The following UNC5C variants were observed in gnomAD, a reference collection of about 807,000 sequenced individuals.
UNC5C encodes netrin receptor UNC5C.
Under a neutral mutation model 99.8 loss-of-function variants are expected in UNC5C, and 47 were observed. That is an observed-to-expected ratio of 0.47 (90% CI 0.37 to 0.60). The LOEUF is 0.60. Among genes scored for constraint, UNC5C ranks in the 20% least tolerant of loss-of-function variants. UNC5C has a pLI of 0.00. For synonymous variants in UNC5C, 487 were observed against 452.2 expected, an observed-to-expected ratio of 1.08 and a Z score of -0.98; for missense variants, 1,062 against 1,165.9, an observed-to-expected ratio of 0.91 and a Z score of 1.30.
At chr4:95,469,392 T>C (rs1349054720) in intron 1 of UNC5C, among the ~76,000 whole-genome samples, 1 of 152,170 alleles carries the variant, frequency 6.6e-6, no homozygotes, top group Admixed American at 6.6e-5. Flanking sequence ...TTGGTTTAGG[T>C]TGTCATACAA....
At chr4:95,237,785 C>T (rs1024530544) in intron 7 of UNC5C, among the ~76,000 whole-genome samples, 14 of 152,252 alleles carry the variant, frequency 9.2e-5, no homozygotes, top group South Asian at 2.1e-4. Context: ...CAGTGGCTCA[C>T]GCCTGTAATC....
chr4:95,328,057 T>A (rs1742962120), intron 2 of UNC5C, among the ~76,000 whole-genome samples: 1 of 97,708 alleles, frequency 1.0e-5, no homozygotes, highest in Non-Finnish European at 2.1e-5. Context: ...TTTTTTTTTT[T>A]TTTAATTTTT....
At chr4:95,173,103 T>G (rs1003465425) in intron 14 of UNC5C, among the ~76,000 whole-genome samples, 3 of 151,908 alleles carry the variant, frequency 2.0e-5, no homozygotes, top group Admixed American at 2.0e-4. Context: ...ATCCTGAGAC[T>G]TTGCTGAAGT....
chr4:95,402,898 T>A (rs1745739685), intron 1 of UNC5C, among the ~76,000 whole-genome samples: 1 of 152,234 alleles, frequency 6.6e-6, no homozygotes. Flanking sequence ...CTTTGAGACA[T>A]TTCTTCTATG....
chr4:95,367,502 G>T (rs1385996503), intron 1 of UNC5C, among the ~76,000 whole-genome samples: 1 of 151,594 alleles, frequency 6.6e-6, no homozygotes, highest in Non-Finnish European at 1.5e-5. Context: ...TTAACACTAT[G>T]CTTTGTTGCC....
At chr4:95,478,455 G>C (rs17024030) in intron 1 of UNC5C, among the ~76,000 whole-genome samples, 2 of 151,996 alleles carry the variant, frequency 1.3e-5, no homozygotes, top group Non-Finnish European at 1.5e-5. Context: ...CACCGATTTC[G>C]ATGGTTCAGG....
chr4:95,531,641 T>C (rs1300402178), intron 1 of UNC5C, among the ~76,000 whole-genome samples: 3 of 152,238 alleles, frequency 2.0e-5, no homozygotes, highest in Non-Finnish European at 4.4e-5. Context: ...AATAATAGGC[T>C]GTGGTCCTAC....
At chr4:95,332,999 T>C (rs2149419662) in intron 2 of UNC5C, among the ~76,000 whole-genome samples, 1 of 151,778 alleles carries the variant, frequency 6.6e-6, no homozygotes, top group African/African-American at 2.4e-5. Context: ...ATCAGAGAAA[T>C]GCAAATCAAA....
At chr4:95,354,630 C>A (rs1476844439) in intron 1 of UNC5C, among the ~76,000 whole-genome samples, 3 of 151,746 alleles carry the variant, frequency 2.0e-5, no homozygotes, top group Non-Finnish European at 4.4e-5. Flanking sequence ...TACAGGCATG[C>A]ACCACTATGC....
chr4:95,535,967 CTA>C (rs1491215999), intron 1 of UNC5C, among the ~76,000 whole-genome samples: 4 of 151,056 alleles, frequency 2.6e-5, no homozygotes, highest in African/African-American at 7.3e-5. Flanking sequence ...TTATTAAAGA[CTA>C]TTTTAATAAA....
intron 1 of UNC5C, among the ~76,000 whole-genome samples, chr4:95,468,604 T>A (rs1187296561): frequency 2.0e-5 from 3 of 152,198 alleles, no homozygotes; most frequent in Non-Finnish European, 4.4e-5. Flanking sequence ...ATTTTTTCTA[T>A]AACAATGATG....
chr4:95,195,795 T>C (rs1737355879), intron 12 of UNC5C, among the ~76,000 whole-genome samples: 1 of 152,080 alleles, frequency 6.6e-6, no homozygotes, highest in African/African-American at 2.4e-5. Flanking sequence ...ATTCTTCTCT[T>C]CTCTTTTCAC....
Position 95,516,346 on chromosome 4 carries a change from A to G in UNC5C, c.124+32388T>C, listed in dbSNP as rs547457861. On this transcript the variant is annotated intron_variant, in intron 1 of 15. Coordinates refer to ENST00000453304, the MANE Select transcript of UNC5C (RefSeq NM_003728.4). ...TAAATATCAAGCAAATGAAAACAGT[A>G]TTGACTGGGACAGAAGGTTCTTTGG... 2.4e-4 allele frequency among the ~76,000 whole-genome samples: 36 copies of G among 152,290 alleles called. No individual in the cohort carries two copies. In the South Asian group the frequency reaches 3.9e-3, roughly 17 times the overall value.
rs375313261 is a variant in UNC5C at position 95,277,889 on chromosome 4, T to C, written c.594+370A>G. On this transcript the variant is annotated intron_variant, in intron 4 of 15. Transcript: ENST00000453304. ...GGCTCACAGACACAGAAAAACACAC[T>C]CTCTTCTTACACTCACATTTTTCGC... Among the ~76,000 whole-genome samples the C allele has an allele frequency of 1.2e-4, 19 of 152,268 alleles. No homozygotes were observed. In the South Asian group the frequency reaches 3.9e-3, roughly 32 times the overall value.
At chr4:95,349,336 T>TGG (rs1314426588) in intron 1 of UNC5C, among the ~76,000 whole-genome samples, 1 of 132,772 alleles carries the variant, frequency 7.5e-6, no homozygotes, top group East Asian at 2.4e-4. Context: ...TGTGTGTGTG[T>TGG]GTGTGGGTGT....
rs141843031 is a variant in UNC5C at position 95,236,960 on chromosome 4, C to T, written c.1108+5469G>A. 3.3e-3 allele frequency among the ~76,000 whole-genome samples: 495 copies of T among 152,234 alleles called. 2 individuals carry two copies. Among genetic ancestry groups the T allele is most frequent in the African/African-American group, 0.01 (421 of 41,532 alleles). ...TGATTCCAGAACCACCCCTGACCAT[C>T]GACACCAAAATCAGAGATTGCTCAA... On this transcript the variant is annotated intron_variant, in intron 7 of 15. Coordinates refer to ENST00000453304, the MANE Select transcript of UNC5C (RefSeq NM_003728.4).
intron 1 of UNC5C, among the ~76,000 whole-genome samples, chr4:95,487,402 C>T (rs543747139): frequency 1.3e-5 from 2 of 151,856 alleles, no homozygotes; most frequent in South Asian, 4.2e-4. Flanking sequence ...AAAATATGCT[C>T]ATAAATTTCT....
At chr4:95,197,104 TTATA>T (rs1337595577) in intron 12 of UNC5C, among the ~76,000 whole-genome samples, 1 of 130,430 alleles carries the variant, frequency 7.7e-6, no homozygotes, top group Non-Finnish European at 1.5e-5. Flanking sequence ...TATTTATATA[TTATA>T]TATGTAATTA....
chr4:95,318,741 A>G (rs1469443883), intron 2 of UNC5C, among the ~76,000 whole-genome samples: 1 of 152,140 alleles, frequency 6.6e-6, no homozygotes, highest in Non-Finnish European at 1.5e-5. Context: ...TGCCAGTGAA[A>G]TTTTAATTCA....
Sources: gnomAD v4.1 joint callset for allele counts (sites outside exome capture counted in the v4.1 genomes callset) on GRCh38, gnomAD v4.1.1 for gene constraint, MANE v1.5 for transcripts, NCBI Gene and HGNC (gene_info 2026-07-23, HGNC 2026-07-21) for gene names.